The following CAMK2D variants were observed in gnomAD, a reference collection of about 807,000 sequenced individuals.
CAMK2D encodes calcium/calmodulin-dependent protein kinase type II subunit delta.
Under a neutral mutation model 84.0 loss-of-function variants are expected in CAMK2D, and 37 were observed. The observed-to-expected ratio is 0.44, with a 90% CI of 0.34 to 0.58. CAMK2D has a LOEUF of 0.58. Among genes scored for constraint, CAMK2D ranks in the 20% least tolerant of loss-of-function variants. CAMK2D has a pLI of 0.02. For missense variants in CAMK2D, 448 were observed against 652.5 expected (o/e 0.69, Z 3.41); for synonymous variants, 202 against 212.5 (o/e 0.95, Z 0.43).
intron 2 of CAMK2D, among the ~76,000 whole-genome samples, chr4:113,724,963 T>A (rs1422022220): frequency 6.6e-6 from 1 of 152,064 alleles, no homozygotes; most frequent in African/African-American, 2.4e-5. Context: ...ACATACTAAA[T>A]CTGTTTTTTC....
intron 4 of CAMK2D, among the ~76,000 whole-genome samples, chr4:113,568,985 A>T (rs2154219457): frequency 6.6e-6 from 1 of 152,162 alleles, no homozygotes; most frequent in African/African-American, 2.4e-5. Context: ...TATTCCGGAT[A>T]TTAACCCCTT....
chr4:113,759,233 A>T, intron 2 of CAMK2D, 87 bp downstream of exon 2: 2 of 743,722 alleles, frequency 2.7e-6, no homozygotes, highest in Non-Finnish European at 2.2e-6. Flanking sequence ...TTCAGTTATA[A>T]CTACATGATA....
intron 3 of CAMK2D, among the ~76,000 whole-genome samples, chr4:113,647,706 G>T (rs1038520782): frequency 6.6e-6 from 1 of 152,190 alleles, no homozygotes; most frequent in Non-Finnish European, 1.5e-5. Flanking sequence ...GTTGAAAACT[G>T]TTACCTTAAA....
intron 2 of CAMK2D, among the ~76,000 whole-genome samples, chr4:113,677,878 G>A (rs1052602964): frequency 6.6e-6 from 1 of 151,890 alleles, no homozygotes; most frequent in Non-Finnish European, 1.5e-5. Flanking sequence ...TCATACTTGT[G>A]TTAAGTGGAA....
In CAMK2D at chr4:113,675,131, T is replaced by C. The variant is rs532620159; in HGVS notation, c.161-13359A>G. ...TAATTCCTGACTTTTCCCCTACCCT[T>C]GTTTTACCTTTTCCTTTCACCTTAA... On this transcript the variant is annotated intron_variant, in intron 2 of 20. Coordinates refer to ENST00000511664, the MANE Select transcript of CAMK2D (RefSeq NM_001321571.2). 2.0e-5 allele frequency among the ~76,000 whole-genome samples: 3 copies of C among 152,320 alleles called. No homozygotes were observed. In the South Asian group the frequency reaches 6.2e-4, roughly 32 times the overall value.
intron 3 of CAMK2D, among the ~76,000 whole-genome samples, chr4:113,646,490 G>A (rs897376681): frequency 6.6e-6 from 1 of 152,182 alleles, no homozygotes; most frequent in African/African-American, 2.4e-5. Flanking sequence ...GAGGAAGGCT[G>A]CTCTTTCACA....
At chr4:113,457,854 GA>G (rs1414355620) in intron 18 of CAMK2D, among the ~76,000 whole-genome samples, 9 of 152,172 alleles carry the variant, frequency 5.9e-5, no homozygotes, top group Non-Finnish European at 1.0e-4. Context: ...ATTTACAATG[GA>G]AAGTGGTTAG....
intron 13 of CAMK2D, among the ~76,000 whole-genome samples, chr4:113,506,476 G>C (rs1284116935): frequency 2.6e-5 from 4 of 151,966 alleles, no homozygotes. Context: ...AAATCAAAGT[G>C]CACAGAATTT....
intron 3 of CAMK2D, among the ~76,000 whole-genome samples, chr4:113,642,736 CT>C (rs1025205074): frequency 7.3e-4 from 107 of 145,920 alleles, no homozygotes; most frequent in East Asian, 1.6e-3. Context: ...TTTTCTTTTT[CT>C]TTTTTTTTTT....
intron 4 of CAMK2D, among the ~76,000 whole-genome samples, chr4:113,600,440 T>G (rs1370038269): frequency 6.6e-6 from 1 of 152,188 alleles, no homozygotes; most frequent in Non-Finnish European, 1.5e-5. Flanking sequence ...TTTCCACTCA[T>G]TTTTGCTGTA....
At chr4:113,505,904 G>T (rs1357615292) in intron 13 of CAMK2D, among the ~76,000 whole-genome samples, 1 of 152,054 alleles carries the variant, frequency 6.6e-6, no homozygotes, top group Non-Finnish European at 1.5e-5. Flanking sequence ...CTGAGTCGGG[G>T]CACTAAGAAT....
chr4:113,513,562 G>C (rs1401613250), intron 11 of CAMK2D, among the ~76,000 whole-genome samples, 192 bp from the exon 12 acceptor site: 12 of 152,184 alleles, frequency 7.9e-5, no homozygotes, highest in Admixed American at 7.9e-4. Context: ...GACGGCCCTA[G>C]TGTGCGGGCC....
chr4:113,687,745 A>G (rs900137051), intron 2 of CAMK2D, among the ~76,000 whole-genome samples: 1 of 152,232 alleles, frequency 6.6e-6, no homozygotes, highest in African/African-American at 2.4e-5. Context: ...CTTGCCAGTA[A>G]CATAAAAGCA....
intron 4 of CAMK2D, among the ~76,000 whole-genome samples, 154 bp from the exon 5 acceptor site, chr4:113,552,250 C>A: frequency 6.6e-6 from 1 of 152,136 alleles, no homozygotes; most frequent in East Asian, 1.9e-4. Flanking sequence ...TAAGTCAAAT[C>A]TATACTACAC....
intron 15 of CAMK2D, among the ~76,000 whole-genome samples, chr4:113,501,824 A>C (rs1055081676): frequency 1.4e-4 from 21 of 152,076 alleles, no homozygotes; most frequent in African/African-American, 4.3e-4. Flanking sequence ...TTCATTGGCT[A>C]ATGCTATTAA....
intron 20 of CAMK2D, 81 bp from the exon 21 acceptor site, chr4:113,454,596 T>A: frequency 2.6e-6 from 2 of 756,914 alleles, no homozygotes; most frequent in South Asian, 2.8e-5. Context: ...TAGATTTGAC[T>A]AGGCTACAGT....
intron 8 of CAMK2D, among the ~76,000 whole-genome samples, chr4:113,529,601 C>T (rs2098444775): frequency 2.6e-5 from 4 of 152,056 alleles, no homozygotes. Context: ...TTCAGTCTTT[C>T]CTGTATTCAA....
At chr4:113,694,465 T>C (rs953192198) in intron 2 of CAMK2D, among the ~76,000 whole-genome samples, 16 of 152,154 alleles carry the variant, frequency 1.1e-4, no homozygotes, top group East Asian at 3.8e-4. Flanking sequence ...GCTATCTCTA[T>C]GAATGAAAAA....
intron 14 of CAMK2D, 92 bp from the exon 15 acceptor site, chr4:113,503,069 A>G: frequency 1.1e-6 from 1 of 890,178 alleles, no homozygotes; most frequent in Non-Finnish European, 1.9e-6. Context: ...GCCAGCTGAC[A>G]AAATGAAATA....
Sources: gnomAD v4.1 joint callset for allele counts (sites outside exome capture counted in the v4.1 genomes callset) on GRCh38, gnomAD v4.1.1 for gene constraint, MANE v1.5 for transcripts, NCBI Gene and HGNC (gene_info 2026-07-23, HGNC 2026-07-21) for gene names.